The following LRP1B variants were observed in gnomAD, a reference collection of about 807,000 sequenced individuals.
LRP1B encodes LDL receptor related protein 1B, also known as low-density lipoprotein receptor-related protein 1B.
LRP1B carries 217 observed loss-of-function variants against 556.6 expected under a neutral mutation model. The ratio of observed to expected loss-of-function variants is 0.39; its 90% CI spans 0.35 to 0.44. The LOEUF (loss-of-function observed/expected upper bound fraction) is 0.44. Among genes scored for constraint, LRP1B ranks in the 20% least tolerant of loss-of-function variants. The probability of loss-of-function intolerance (pLI) is 1.00; values close to 1 mark genes in which losing one functional copy is unlikely to be tolerated. For missense variants in LRP1B, 5,053 were observed against 5,620.8 expected, an observed-to-expected ratio of 0.90 and a Z score of 3.23; for synonymous variants, 2,047 against 1,865.8, an observed-to-expected ratio of 1.10 and a Z score of -2.50.
chr2:141,752,960 A>AAAAAAAAAAAAAAAAAAAAAAAAAG (rs1694172940), intron 2 of LRP1B, among the ~76,000 whole-genome samples: 1 of 145,250 alleles, frequency 6.9e-6, no homozygotes, highest in African/African-American at 2.5e-5. Context: ...AAAAAAAAAA[A>AAAAAAAAAAAAAAAAAAAAAAAAAG]ATTATGCTGG....
At chr2:140,968,745 G>A (rs1212548221) in intron 18 of LRP1B, among the ~76,000 whole-genome samples, 1 of 152,076 alleles carries the variant, frequency 6.6e-6, no homozygotes, top group African/African-American at 2.4e-5. Context: ...GTTCTCATTG[G>A]TTTCAAAGAA....
At chr2:141,767,744 A>G (rs1301252618) in intron 2 of LRP1B, among the ~76,000 whole-genome samples, 1 of 152,182 alleles carries the variant, frequency 6.6e-6, no homozygotes, top group Non-Finnish European at 1.5e-5. Context: ...GAATTGAGAA[A>G]ACATATTTTC....
intron 7 of LRP1B, among the ~76,000 whole-genome samples, chr2:141,097,777 TCATA>T (rs1418676769): frequency 6.6e-6 from 1 of 152,128 alleles, no homozygotes; most frequent in African/African-American, 2.4e-5. Context: ...TTGGCTTATA[TCATA>T]CAAATTATTA....
At chr2:141,263,967 T>C (rs1340222260) in intron 3 of LRP1B, among the ~76,000 whole-genome samples, 2 of 152,096 alleles carry the variant, frequency 1.3e-5, no homozygotes, top group Admixed American at 1.3e-4. Context: ...GGCAATGTAG[T>C]AATAGAGGGG....
chr2:140,255,688 G>T (rs900893005), intron 86 of LRP1B, among the ~76,000 whole-genome samples: 8 of 152,056 alleles, frequency 5.3e-5, no homozygotes, highest in Non-Finnish European at 2.9e-5. Flanking sequence ...CATGGAAGAG[G>T]CATAGTTGAA....
At chr2:141,610,525 T>A (rs1178639523) in intron 2 of LRP1B, among the ~76,000 whole-genome samples, 1 of 152,094 alleles carries the variant, frequency 6.6e-6, no homozygotes, top group Admixed American at 6.5e-5. Context: ...GATCTTTCTA[T>A]GTCAGGTCAG....
chr2:140,941,374 T>C (rs57537323), intron 20 of LRP1B, among the ~76,000 whole-genome samples: 14,483 of 152,076 alleles, frequency 0.095, 951 homozygotes, highest in East Asian at 0.23. Context: ...ACACTGAAAG[T>C]CAATACGGGC....
chr2:140,997,569 A>T (rs1247375903), intron 15 of LRP1B, among the ~76,000 whole-genome samples: 1 of 151,862 alleles, frequency 6.6e-6, no homozygotes, highest in Admixed American at 6.6e-5. Flanking sequence ...TTTTCCCTCA[A>T]TTGATGCTTT....
intron 1 of LRP1B, among the ~76,000 whole-genome samples, chr2:142,097,957 C>T (rs1042831597): frequency 6.6e-6 from 1 of 151,646 alleles, no homozygotes; most frequent in Non-Finnish European, 1.5e-5. Flanking sequence ...TTGCTTCTTA[C>T]AAGTCTCCTC....
chr2:140,575,397 T>C (rs1004711643), intron 43 of LRP1B, among the ~76,000 whole-genome samples: 4 of 152,190 alleles, frequency 2.6e-5, no homozygotes, highest in African/African-American at 9.6e-5. Flanking sequence ...TAGACATAAT[T>C]AACTAAATTA....
chr2:141,756,480 A>G (rs1047812781), intron 2 of LRP1B, among the ~76,000 whole-genome samples: 13 of 152,092 alleles, frequency 8.5e-5, no homozygotes, highest in African/African-American at 2.9e-4. Context: ...TCAAGTTGCA[A>G]TAAGAAAGGT....
intron 3 of LRP1B, among the ~76,000 whole-genome samples, chr2:141,334,937 A>G (rs528665892): frequency 3.3e-4 from 50 of 152,324 alleles, no homozygotes; most frequent in African/African-American, 1.1e-3. Flanking sequence ...ATTTGAACTC[A>G]AATTTATATC....
intron 66 of LRP1B, among the ~76,000 whole-genome samples, chr2:140,425,059 T>A (rs1054812409): frequency 1.3e-5 from 2 of 152,134 alleles, no homozygotes; most frequent in Non-Finnish European, 2.9e-5. Flanking sequence ...GGACGTTTTT[T>A]TTTTATCACT....
chr2:141,371,346 T>A (rs1689225773), intron 3 of LRP1B, among the ~76,000 whole-genome samples: 1 of 152,218 alleles, frequency 6.6e-6, no homozygotes, highest in South Asian at 2.1e-4. Context: ...TAGGGTTGTT[T>A]GGCTATTTGG....
intron 2 of LRP1B, among the ~76,000 whole-genome samples, chr2:141,806,290 C>T (rs1465521884): frequency 6.6e-6 from 1 of 152,016 alleles, no homozygotes; most frequent in Non-Finnish European, 1.5e-5. Context: ...TCATTCTCAT[C>T]ACATGCTATG....
intron 12 of LRP1B, among the ~76,000 whole-genome samples, chr2:141,016,525 CAGA>C (rs1697906115): frequency 6.6e-6 from 1 of 152,048 alleles, no homozygotes; most frequent in Non-Finnish European, 1.5e-5. Flanking sequence ...CCAAAATCTA[CAGA>C]AGATGATTTA....
At chr2:140,963,875 G>A (rs1190885861) in intron 18 of LRP1B, among the ~76,000 whole-genome samples, 1 of 152,140 alleles carries the variant, frequency 6.6e-6, no homozygotes, top group Admixed American at 6.5e-5. Flanking sequence ...CCACAGGGTC[G>A]GTGGGTCTCT....
intron 2 of LRP1B, among the ~76,000 whole-genome samples, chr2:141,796,029 C>T (rs1052762212): frequency 1.3e-5 from 2 of 150,964 alleles, no homozygotes; most frequent in African/African-American, 4.9e-5. Flanking sequence ...ATCTCAGCTA[C>T]TTAATAGTAT....
intron 43 of LRP1B, among the ~76,000 whole-genome samples, chr2:140,544,385 G>A (rs1017853100): frequency 2.6e-5 from 4 of 151,982 alleles, no homozygotes; most frequent in African/African-American, 9.7e-5. Flanking sequence ...TTGTATCACA[G>A]GGGTTCACTG....
Sources: gnomAD v4.1 joint callset for allele counts (sites outside exome capture counted in the v4.1 genomes callset) on GRCh38, gnomAD v4.1.1 for gene constraint, MANE v1.5 for transcripts, NCBI Gene and HGNC (gene_info 2026-07-23, HGNC 2026-07-21) for gene names.